Variants in MCAT observed in about 807,000 individuals in gnomAD.
MCAT encodes the protein malonyl-CoA-acyl carrier protein transacylase.
Under a neutral mutation model 22.9 loss-of-function variants are expected in MCAT, and 22 were observed. That is an observed-to-expected ratio of 0.96 (90% CI 0.69 to 1.37). The LOEUF (loss-of-function observed/expected upper bound fraction) is 1.37, where lower values mean the gene tolerates loss of function less well. MCAT is among the 40% of genes most tolerant of loss of function. The probability of loss-of-function intolerance (pLI) is 0.00; values close to 1 mark genes in which losing one functional copy is unlikely to be tolerated. For synonymous variants in MCAT, 240 were observed against 233.9 expected, an observed-to-expected ratio of 1.03 and a Z score of -0.24; for missense variants, 534 against 533.6, an observed-to-expected ratio of 1.00 and a Z score of -0.01.
At chr22:43,142,847 C>T in intron 1 of MCAT, 79 bp downstream of exon 1, 1 of 1,364,306 alleles carries the variant, frequency 7.3e-7, no homozygotes. Context: ...CCCGGAATGG[C>T]AGGCGGAAGC....
At chr22:43,136,178 A>C (rs940355500) in intron 3 of MCAT, among the ~76,000 whole-genome samples, 4 of 152,244 alleles carry the variant, frequency 2.6e-5, no homozygotes, top group African/African-American at 9.6e-5. Context: ...CAGGAGGTCC[A>C]GGCTGCAGTG....
chr22:43,141,379 T>C, intron 1 of MCAT, 130 bp from the exon 2 acceptor site: 1 of 727,702 alleles, frequency 1.4e-6, no homozygotes. Flanking sequence ...GTGCACCAGC[T>C]GGAAGAGGAC....
chr22:43,134,048 G>A (rs1234092578), intron 3 of MCAT, among the ~76,000 whole-genome samples: 2 of 152,190 alleles, frequency 1.3e-5, no homozygotes, highest in African/African-American at 2.4e-5. Flanking sequence ...TTACAGGCAT[G>A]AGCCGCCGCA....
In MCAT at chr22:43,132,392, C is replaced by T. The variant is rs1352118303; in HGVS notation, c.*651G>A. On this transcript the variant is annotated 3_prime_UTR_variant, in exon 4 of 4. Transcript: ENST00000290429. The stretch of plus-strand genomic sequence containing the variant: ...CCCTAGGACCAGGGCCTCAGTCGCC[C>T]TCCCTACCTGGCACTCCCCACACCC... The T allele has an allele frequency of 6.5e-6, 1 of 152,754 alleles. No homozygotes were observed. The highest frequency in any genetic ancestry group is 1.5e-5 in the Non-Finnish European group (1 of 68,472). The allele number at this position is 152,754 out of a possible 1,614,324, so 9.5% of individuals were successfully genotyped here.
intron 1 of MCAT, 61 bp from the exon 2 acceptor site, chr22:43,141,310 C>T: frequency 6.9e-7 from 1 of 1,439,568 alleles, no homozygotes; most frequent in Non-Finnish European, 9.8e-7. Context: ...TTCCAGGGCT[C>T]TGTACCTGAG....
intron 3 of MCAT, among the ~76,000 whole-genome samples, chr22:43,135,611 T>C (rs2147033186): frequency 6.6e-6 from 1 of 151,954 alleles, no homozygotes; most frequent in Admixed American, 6.6e-5. Context: ...CTGCCCTGAC[T>C]GGGAAGTCCT....
rs898081002 is a variant in MCAT, at chr22:43,133,573, G to A, written c.730-87C>T. 9.5e-6 allele frequency: 10 copies of A among 1,047,966 alleles called. No homozygotes were observed. The African/African-American group carries it at 1.1e-4, about 12-fold the overall frequency. 64.9% of individuals were successfully genotyped at this position (1,047,966 alleles called of 1,614,324 possible). On this transcript the variant is annotated intron_variant, in intron 3 of 3. Transcript: ENST00000290429. ...CCATTCACAGGGCCAAACTGGGAGG[G>A]TGACCACAAAGAGACCCACAGCTGC... is the stretch of plus-strand genomic sequence containing the variant.
chr22:43,135,912 C>T (rs1930596125), intron 3 of MCAT, among the ~76,000 whole-genome samples: 3 of 152,196 alleles, frequency 2.0e-5, no homozygotes, highest in Admixed American at 2.0e-4. Flanking sequence ...TTGCCTCTCT[C>T]TGCCTCAGCA....
At chr22:43,137,005 A>T in intron 3 of MCAT, 76 bp downstream of exon 3, 1 of 1,264,992 alleles carries the variant, frequency 7.9e-7, no homozygotes, top group Non-Finnish European at 1.2e-6. Flanking sequence ...CCAGACTGCT[A>T]GGCCTCACGG....
At chr22:43,139,286 G>C (rs1406386772) in intron 2 of MCAT, among the ~76,000 whole-genome samples, 1 of 152,202 alleles carries the variant, frequency 6.6e-6, no homozygotes, top group African/African-American at 2.4e-5. Context: ...CAGCACTGTA[G>C]GAGGCTGAAG....
Position 43,141,265 on chromosome 22 carries a change from C to A in MCAT, c.424-16G>T, listed in dbSNP as rs1220411190. On this transcript the variant is annotated splice_polypyrimidine_tract_variant and intron_variant, in intron 1 of 3. Coordinates refer to ENST00000290429, the MANE Select transcript of MCAT (RefSeq NM_173467.5). ...TCTCAATCACCTGTGGGGACAGATGCAGAACGTGAGCCCTCACTCTCCTGG... is the reference window on the plus strand; with the variant it reads ...TCTCAATCACCTGTGGGGACAGATGAAGAACGTGAGCCCTCACTCTCCTGG... 1 of 1,606,886 alleles carries A rather than the reference C, an allele frequency of 6.2e-7. No homozygotes were observed. Among genetic ancestry groups the A allele is most frequent in the Non-Finnish European group, 8.5e-7 (1 of 1,173,660 alleles).
rs1466859153 is a variant in MCAT at position 43,133,089 on chromosome 22, T to G, written c.1127A>C (p.Gln376Pro). The G allele has an allele frequency of 6.2e-7, 1 of 1,614,074 alleles. No individual in the cohort carries two copies. The highest frequency in any genetic ancestry group is 8.5e-7 in the Non-Finnish European group (1 of 1,180,048). ...WKSYSAVDVL[Q>P]TLEHVDLDPQ... ...GTCCAGGTCCACATGTTCGAGGGTC[T>G]GCAGCACATCCACGGCGCTGTAGGA... Residue 376 changes from glutamine (Q) to proline (P), a missense_variant, in exon 4 of 4, where the codon CAG (glutamine) becomes CCG (proline). By Grantham distance (76) the Gln-to-Pro change is moderately conservative. Transcript: ENST00000290429.
In MCAT at chr22:43,143,281, G is replaced by A; in HGVS notation, c.68C>T (p.Ser23Leu). The A allele has an allele frequency of 1.4e-6, 2 of 1,433,180 alleles. No homozygotes were observed. Among genetic ancestry groups the A allele is most frequent in the Non-Finnish European group, 1.8e-6 (2 of 1,104,608 alleles). The allele number at this position is 1,433,180 out of a possible 1,614,324, so 88.8% of individuals were successfully genotyped here. Reference protein sequence around the residue: ...GLGASYRRGASSFPVPPPGAQ... With the variant: ...GLGASYRRGALSFPVPPPGAQ... Reference sequence around the variant, plus strand: ...GCCCGGCGGAGGCACCGGGAAGCTCGAGGCGCCGCGGCGGTAGCTGGCGCC... The same window carrying A: ...GCCCGGCGGAGGCACCGGGAAGCTCAAGGCGCCGCGGCGGTAGCTGGCGCC... Residue 23 changes from serine to leucine, a missense_variant, in exon 1 of 4, where the codon TCG becomes TTG. Ser to Leu is a moderately radical substitution (Grantham distance 145). Transcript: ENST00000290429.
chr22:43,136,537 C>A (rs1930617205), intron 3 of MCAT, among the ~76,000 whole-genome samples: 6 of 152,222 alleles, frequency 3.9e-5, no homozygotes, highest in Admixed American at 3.9e-4. Context: ...CCTCACTGCA[C>A]CCCTCGGCCT....
chr22:43,140,278 A>C (rs1351900946), intron 2 of MCAT, among the ~76,000 whole-genome samples: 1 of 152,174 alleles, frequency 6.6e-6, no homozygotes, highest in African/African-American at 2.4e-5. Context: ...CAGGGGCTCA[A>C]GTGATCTTCC....
At chr22:43,141,433 T>C (rs1930765993) in intron 1 of MCAT, among the ~76,000 whole-genome samples, 184 bp from the exon 2 acceptor site, 1 of 152,144 alleles carries the variant, frequency 6.6e-6, no homozygotes, top group African/African-American at 2.4e-5. Flanking sequence ...GCCCCTTTAT[T>C]TAGGAGGAGC....
In MCAT at chr22:43,141,196, G is replaced by T; in HGVS notation, c.477C>A (p.Ala159=). The T allele has an allele frequency of 6.2e-7, 1 of 1,614,070 alleles. No individual in the cohort carries two copies. The part of the protein sequence containing the change: ...AAGFSVGEFA[A]LVFAGAMEFA... ...ATTCCATGGCTCCGGCAAACACTAG[G>T]GCTGCAAACTCTCCCACACTGAATC... is the stretch of plus-strand genomic sequence containing the variant. Residue 159 remains alanine, a synonymous_variant, in exon 2 of 4, where the codon GCC becomes GCA. Transcript: ENST00000290429.
chr22:43,142,834 G>T, intron 1 of MCAT, 92 bp downstream of exon 1: 3 of 1,285,258 alleles, frequency 2.3e-6, no homozygotes, highest in Middle Eastern at 2.0e-4. Flanking sequence ...AGACGTGGGA[G>T]CCCCCGGAAT....
chr22:43,138,209 G>A (rs994020895), intron 2 of MCAT, among the ~76,000 whole-genome samples: 1 of 152,166 alleles, frequency 6.6e-6, no homozygotes, highest in Admixed American at 6.5e-5. Flanking sequence ...CACCAGCCTG[G>A]TGACAGAGCA....
Sources: gnomAD v4.1 joint callset for allele counts (sites outside exome capture counted in the v4.1 genomes callset) on GRCh38, gnomAD v4.1.1 for gene constraint, MANE v1.5 for transcripts, NCBI Gene and HGNC (gene_info 2026-07-23, HGNC 2026-07-21) for gene names.